ARHGEF39: variants seen among roughly 807,000 people sequenced by gnomAD.
The protein encoded by ARHGEF39 is Rho guanine nucleotide exchange factor 39.
ARHGEF39 carries 45 observed loss-of-function variants against 47.5 expected under a neutral mutation model. That is an observed-to-expected ratio of 0.95 (90% CI 0.75 to 1.22). ARHGEF39 has a LOEUF of 1.22. Among genes scored for constraint, ARHGEF39 ranks in the 50% most tolerant of loss-of-function variants. The pLI, the probability that ARHGEF39 is intolerant of heterozygous loss-of-function variation, is 0.00. For synonymous variants in ARHGEF39, 164 were observed against 167.8 expected (o/e 0.98, Z 0.17); for missense variants, 411 against 425.3 (o/e 0.97, Z 0.30).
At position 35,660,580 on chromosome 9, in the gene ARHGEF39, C is replaced by G. The variant is rs776387476; in HGVS notation, c.*1407G>C. On this transcript the variant is annotated 3_prime_UTR_variant, in exon 9 of 9. Transcript: ENST00000378387. ...AGAGCAACAGCTGGCCCAGTTGACA[C>G]AACAGCTGGCCCAGACAGAGCAGCA... 25 of 1,614,052 alleles carry G rather than the reference C, an allele frequency of 1.5e-5. No individual in the cohort carries two copies. The highest frequency in any genetic ancestry group is 3.3e-4 in the Middle Eastern group (2 of 6,084).
In ARHGEF39 at chr9:35,663,322, G is replaced by A. The variant is rs144498767; in HGVS notation, c.544C>T (p.Arg182Trp). 5.1e-5 allele frequency: 83 copies of A among 1,613,970 alleles called. No homozygotes were observed. Among genetic ancestry groups the A allele is most frequent in the Middle Eastern group, 3.3e-4 (2 of 6,062 alleles). The change falls in exon 5 of 9, where the codon CGG becomes TGG. Residue 182 changes from arginine to tryptophan, a missense_variant and splice_region_variant. Arg to Trp is a moderately radical substitution (Grantham distance 101). Transcript: ENST00000378387. Reference protein sequence around the residue: ...PNSPDHQQLTRAARLISETAQ... With the variant: ...PNSPDHQQLTWAARLISETAQ... ...GCGTTGCCGAGGAGCAAGAACCTAC[G>A]TGTGAGCTGTTGATGGTCAGGGCTG...
chr9:35,663,269 G>A, intron 5 of ARHGEF39, 53 bp downstream of exon 5: 1 of 1,591,596 alleles, frequency 6.3e-7, no homozygotes, highest in Non-Finnish European at 8.6e-7. Context: ...GAATCAGAAA[G>A]GAATACAGGA....
At chr9:35,664,618 T>C (rs1360505711) in intron 2 of ARHGEF39, 126 bp from the exon 3 acceptor site, 3 of 1,482,960 alleles carry the variant, frequency 2.0e-6, no homozygotes, top group Middle Eastern at 1.9e-4. Flanking sequence ...AACAAGGGCA[T>C]GCTAAGGCCC....
chr9:35,663,624 A>G (rs1288161637), intron 4 of ARHGEF39, among the ~76,000 whole-genome samples: 2 of 152,170 alleles, frequency 1.3e-5, no homozygotes, highest in African/African-American at 4.8e-5. Flanking sequence ...TCAGGAGGCC[A>G]GATTGGAAGA....
At chr9:35,663,513 C>A in intron 4 of ARHGEF39, 121 bp from the exon 5 acceptor site, 1 of 810,262 alleles carries the variant, frequency 1.2e-6, no homozygotes, top group Non-Finnish European at 2.0e-6. Context: ...CTGCTTCTGG[C>A]TACTGTATCC....
Position 35,664,055 on chromosome 9 carries a change from G to A in ARHGEF39, c.426C>T (p.Gly142=). Residue 142 remains glycine (G), a synonymous_variant, in exon 4 of 9, where the codon GGC becomes GGT. Coordinates refer to ENST00000378387, the MANE Select transcript of ARHGEF39 (RefSeq NM_032818.3). ...GAGGGAGCAGGTCCTGGAGCTGAAG[G>A]CCCCCAAACTCAGGGCGGCCTTCCT... ...RLQEGRPEFG[G]LQLQDLLPLP... is the part of the protein sequence containing the mutation. The A allele has an allele frequency of 6.2e-7, 1 of 1,614,136 alleles. No homozygotes were observed. The highest frequency in any genetic ancestry group is 8.5e-7 in the Non-Finnish European group (1 of 1,179,976).
rs138609997 is a variant in ARHGEF39 at position 35,664,511 on chromosome 9, CA to C, written c.234-20del. The C allele has an allele frequency of 6.3e-4, 993 of 1,581,668 alleles. 6 individuals are homozygous for C. The highest frequency in any genetic ancestry group is 1.5e-3 in the East Asian group (69 of 44,750). On this transcript the variant is annotated intron_variant, in intron 2 of 8. Coordinates refer to ENST00000378387, the MANE Select transcript of ARHGEF39 (RefSeq NM_032818.3). ...CAGCTCCCTGTGTGGGCAAGGACAG[CA>C]AAAGGGCAGCTCTAGAACCACTCAA... is the stretch of plus-strand genomic sequence containing the variant.
In ARHGEF39 at chr9:35,665,145, G is replaced by T. The variant is rs1399259137; in HGVS notation, c.25C>A (p.Arg9=). 2 of 1,539,394 alleles carry T rather than the reference G, an allele frequency of 1.3e-6. No individual in the cohort carries two copies. The highest frequency in any genetic ancestry group is 4.0e-5 in the Admixed American group (2 of 50,164). The change falls in exon 1 of 9, where the codon CGG becomes AGG. Residue 9 remains arginine, a synonymous_variant. Coordinates refer to ENST00000378387, the MANE Select transcript of ARHGEF39 (RefSeq NM_032818.3). MELSCPGS[R]CPVQEQRARW... ...GCACGCTGCTCTTGCACCGGGCACC[G>T]CGAACCGGGGCAGGAGAGCTCCATG... is the stretch of plus-strand genomic sequence containing the variant.
chr9:35,663,247 T>C, intron 5 of ARHGEF39, 75 bp downstream of exon 5: 1 of 1,573,280 alleles, frequency 6.4e-7, no homozygotes, highest in East Asian at 2.2e-5. Context: ...TACCAGACAT[T>C]GTTGGAGGTC....
chr9:35,662,311 G>A, intron 7 of ARHGEF39, 44 bp from the exon 8 acceptor site: 1 of 1,577,036 alleles, frequency 6.3e-7, no homozygotes, highest in Non-Finnish European at 8.7e-7. Flanking sequence ...GAAAGGTCCA[G>A]GCTAAAGCTG....
chr9:35,663,956 G>T, intron 4 of ARHGEF39, 52 bp downstream of exon 4: 2 of 1,550,864 alleles, frequency 1.3e-6, no homozygotes, highest in Non-Finnish European at 1.8e-6. Context: ...GCTGAGGGCA[G>T]CAGTCATACA....
At position 35,660,474 on chromosome 9, in the gene ARHGEF39, G is replaced by C; in HGVS notation, c.*1513C>G. 6.2e-7 allele frequency: 1 copy of C among 1,613,456 alleles called. No homozygotes were observed. Among genetic ancestry groups the C allele is most frequent in the Non-Finnish European group, 8.5e-7 (1 of 1,179,642 alleles). On this transcript the variant is annotated 3_prime_UTR_variant, in exon 9 of 9. Coordinates refer to ENST00000378387, the MANE Select transcript of ARHGEF39 (RefSeq NM_032818.3). ...CCACTGCAGTCAGGTGGGTTTAGCA[G>C]AAGTCTGTGCTGGGTCGGGGGAGTT... is the stretch of plus-strand genomic sequence containing the variant.
At position 35,660,368 on chromosome 9, in the gene ARHGEF39, C is replaced by T. The variant is rs1228762207; in HGVS notation, c.*1619G>A. ...GAGGTGATGGAGCAGAACCTTGTTG[C>T]TTCAGTACTGCCCTTTCCTTCTTCC... On this transcript the variant is annotated 3_prime_UTR_variant, in exon 9 of 9. Transcript: ENST00000378387. 1.3e-6 allele frequency: 2 copies of T among 1,549,172 alleles called. No individual in the cohort carries two copies. The highest frequency in any genetic ancestry group is 3.8e-5 in the Admixed American group (2 of 52,062).
rs772135170 is a variant in ARHGEF39 at position 35,663,001 on chromosome 9, G to A, written c.618C>T (p.His206=). 3 of 1,610,524 alleles carry A rather than the reference G, an allele frequency of 1.9e-6. No individual in the cohort carries two copies. Among genetic ancestry groups the A allele is most frequent in the Non-Finnish European group, 2.5e-6 (3 of 1,177,220 alleles). Residue 206 remains histidine (H), a synonymous_variant, in exon 6 of 9, where the codon CAC becomes CAT. Transcript: ENST00000378387. ...TGAGCAGAGCCTGGACACGCCGAAG[G>A]TGCTGGTCATTCTTCTGTTTCTGAC... The part of the protein sequence containing the change: ...TIGQKQKNDQ[H]LRRVQALLSG...
Position 35,661,255 on chromosome 9 carries a change from A to G in ARHGEF39, c.*732T>C. 8.8e-7 allele frequency: 1 copy of G among 1,140,822 alleles called. No individual in the cohort carries two copies. The highest frequency in any genetic ancestry group is 2.4e-5 in the East Asian group (1 of 41,600). 70.7% of individuals were successfully genotyped at this position (1,140,822 alleles called of 1,614,324 possible). ...ACACCCATACTAGGTGCCTAAGGAC[A>G]ACTGGGCCTTCTTGAAGAGCTGTCC... On this transcript the variant is annotated 3_prime_UTR_variant, in exon 9 of 9. Transcript: ENST00000378387.
At chr9:35,662,398 T>C in intron 7 of ARHGEF39, 114 bp downstream of exon 7, 1 of 1,375,640 alleles carries the variant, frequency 7.3e-7, no homozygotes, top group Non-Finnish European at 1.0e-6. Flanking sequence ...CCAGCTATCC[T>C]CTCTCAATGT....
At chr9:35,662,805 G>A in intron 6 of ARHGEF39, 64 bp from the exon 7 acceptor site, 1 of 1,521,724 alleles carries the variant, frequency 6.6e-7, no homozygotes. Context: ...AGAGGAAAGG[G>A]AGGCTGAGAA....
chr9:35,660,658 C>CA lies in ARHGEF39; in HGVS notation c.*1328dup. Reference sequence around the variant, plus strand: ...CCCCCTTTTTGAGCGGTGAGGAGAGCAATGATTCTGTGAATTTTTGGGGAA... The same window carrying CA: ...CCCCCTTTTTGAGCGGTGAGGAGAGCAAATGATTCTGTGAATTTTTGGGGAA... On this transcript the variant is annotated 3_prime_UTR_variant, in exon 9 of 9. Coordinates refer to ENST00000378387, the MANE Select transcript of ARHGEF39 (RefSeq NM_032818.3). The CA allele has an allele frequency of 6.2e-7, 1 of 1,614,066 alleles. No homozygotes were observed. Among genetic ancestry groups the CA allele is most frequent in the Non-Finnish European group, 8.5e-7 (1 of 1,179,952 alleles).
At chr9:35,664,726 C>T (rs771004992) in intron 2 of ARHGEF39, 30 bp downstream of exon 2, 2 of 1,593,614 alleles carry the variant, frequency 1.3e-6, no homozygotes, top group Non-Finnish European at 1.7e-6. Flanking sequence ...ACTCTCCCTC[C>T]TTTCCTCTCC....
Sources: gnomAD v4.1 joint callset for allele counts (sites outside exome capture counted in the v4.1 genomes callset) on GRCh38, gnomAD v4.1.1 for gene constraint, MANE v1.5 for transcripts, NCBI Gene and HGNC (gene_info 2026-07-23, HGNC 2026-07-21) for gene names.